Variants in SLC26A7 observed in about 807,000 individuals in gnomAD.
SLC26A7 encodes anion exchange transporter.
In SLC26A7, 59 loss-of-function variants were observed where a neutral mutation model predicts 82.5. The observed-to-expected ratio is 0.72, with a 90% confidence interval of 0.58 to 0.89. The LOEUF (loss-of-function observed/expected upper bound fraction) is 0.89, where lower values mean the gene tolerates loss of function less well. Ranked by LOEUF, SLC26A7 falls within the 40% of genes least tolerant of loss-of-function variation. The pLI, the probability that SLC26A7 is intolerant of heterozygous loss-of-function variation, is 0.00. For synonymous variants in SLC26A7, 271 were observed against 274.3 expected (o/e 0.99, Z 0.12); for missense variants, 820 against 793.0 (o/e 1.03, Z -0.41).
chr8:91,233,378 C>T (rs1473501302), intron 2 of SLC26A7, among the ~76,000 whole-genome samples: 2 of 151,964 alleles, frequency 1.3e-5, no homozygotes, highest in East Asian at 1.9e-4. Context: ...ACCAGCCTGA[C>T]TAACATGGCA....
intron 2 of SLC26A7, among the ~76,000 whole-genome samples, chr8:91,224,637 C>T (rs13260246): frequency 0.052 from 7,922 of 152,254 alleles, 277 homozygotes; most frequent in Middle Eastern, 0.16. Flanking sequence ...GGGTGTCTGA[C>T]AAACCCTGTT....
intron 2 of SLC26A7, among the ~76,000 whole-genome samples, chr8:91,274,546 G>C (rs1045111842): frequency 6.6e-6 from 1 of 152,232 alleles, no homozygotes; most frequent in African/African-American, 2.4e-5. Context: ...GTGTGCAAGA[G>C]AGGGTGACCT....
chr8:91,237,961 G>A (rs1225952986), intron 2 of SLC26A7, among the ~76,000 whole-genome samples: 1 of 152,030 alleles, frequency 6.6e-6, no homozygotes, highest in Admixed American at 6.5e-5. Flanking sequence ...TTATTGTGGT[G>A]GATTCCAAGA....
chr8:91,311,330 A>G (rs1210461643), intron 4 of SLC26A7, among the ~76,000 whole-genome samples: 2 of 152,150 alleles, frequency 1.3e-5, no homozygotes, highest in East Asian at 3.8e-4. Context: ...AAGTCTATAG[A>G]GACAGTAAAG....
At chr8:91,209,734 A>G (rs1439747940) in intron 1 of SLC26A7, among the ~76,000 whole-genome samples, 1 of 152,216 alleles carries the variant, frequency 6.6e-6, no homozygotes, top group Non-Finnish European at 1.5e-5. Context: ...AAAAATTAGT[A>G]GAATTTTTAA....
At chr8:91,263,524 A>G (rs768536186) in intron 2 of SLC26A7, among the ~76,000 whole-genome samples, 2 of 152,112 alleles carry the variant, frequency 1.3e-5, no homozygotes. Flanking sequence ...TAAGAGAATG[A>G]TAATTATATC....
chr8:91,224,541 G>A lies in SLC26A7; in HGVS notation c.-34+5536G>A, dbSNP rs1458971432. On this transcript the variant is annotated intron_variant, in intron 2 of 5. Coordinates refer to the SLC26A7 transcript ENST00000522862. ...TGTCACTCAAGGAGGCTGGACAGCAGCAAAGATGGGTGTCTCCTCCTTCTT... is the reference window on the plus strand; with the variant it reads ...TGTCACTCAAGGAGGCTGGACAGCAACAAAGATGGGTGTCTCCTCCTTCTT... Among the ~76,000 whole-genome samples, 5 of 152,172 alleles carry A rather than the reference G, an allele frequency of 3.3e-5. No individual in the cohort carries two copies. The East Asian group carries it at 9.6e-4, about 29-fold the overall frequency.
intron 9 of SLC26A7, chr8:91,348,319 G>A (rs1371534459): frequency 2.7e-5 from 27 of 985,176 alleles, no homozygotes; most frequent in Non-Finnish European, 3.3e-5. Flanking sequence ...CAGTGAGTTC[G>A]AGAACTACTT....
intron 10 of SLC26A7, 28 bp from the exon 11 acceptor site, chr8:91,352,873 T>G (rs1813756999): frequency 6.4e-7 from 1 of 1,551,688 alleles, no homozygotes; most frequent in African/African-American, 1.4e-5. Flanking sequence ...TTATGTTGCT[T>G]CTTCTTCAAC....
intron 2 of SLC26A7, among the ~76,000 whole-genome samples, chr8:91,231,389 A>T (rs1277855823): frequency 6.6e-6 from 1 of 152,190 alleles, no homozygotes; most frequent in Non-Finnish European, 1.5e-5. Flanking sequence ...GTAGTCTCAG[A>T]TAGCAAAAAT....
At chr8:91,322,144 G>T (rs1812807717) in intron 5 of SLC26A7, among the ~76,000 whole-genome samples, 1 of 152,060 alleles carries the variant, frequency 6.6e-6, no homozygotes, top group Non-Finnish European at 1.5e-5. Flanking sequence ...ACAAACTTAT[G>T]TGTATTTTAA....
chr8:91,311,797 G>A (rs1812495204), intron 4 of SLC26A7, among the ~76,000 whole-genome samples: 1 of 152,208 alleles, frequency 6.6e-6, no homozygotes, highest in Admixed American at 6.5e-5. Flanking sequence ...TAATCCACAT[G>A]TAGCAGGGGA....
At chr8:91,306,915 T>C (rs1340900070) in intron 4 of SLC26A7, among the ~76,000 whole-genome samples, 2 of 151,144 alleles carry the variant, frequency 1.3e-5, no homozygotes, top group East Asian at 1.9e-4. Context: ...AAAGGGCTAA[T>C]ATCCAGAATC....
At chr8:91,266,521 T>C (rs984389254) in intron 2 of SLC26A7, among the ~76,000 whole-genome samples, 5 of 152,018 alleles carry the variant, frequency 3.3e-5, no homozygotes, top group African/African-American at 1.2e-4. Context: ...CTTCTTGAAT[T>C]CTTTTTTGTG....
Position 91,289,249 on chromosome 8 carries a change from A to G in SLC26A7, c.304+3A>G. 1 of 1,594,684 alleles carries G rather than the reference A, an allele frequency of 6.3e-7. No individual in the cohort carries two copies. The highest frequency in any genetic ancestry group is 8.6e-7 in the Non-Finnish European group (1 of 1,162,418). ...AATGGGACATCATGTTGCCACAGGT[A>G]ATAATTCCTATGTTTATGCTTCTAA... On this transcript the variant is annotated splice_donor_region_variant and intron_variant, in intron 3 of 18. Coordinates refer to ENST00000276609, the MANE Select transcript of SLC26A7 (RefSeq NM_052832.4).
chr8:91,315,595 G>A (rs932958063), intron 4 of SLC26A7, among the ~76,000 whole-genome samples: 1 of 152,164 alleles, frequency 6.6e-6, no homozygotes, highest in Admixed American at 6.6e-5. Flanking sequence ...GGCGTCCTGA[G>A]TTTACTGTAA....
At chr8:91,297,558 T>C (rs1316973938) in intron 4 of SLC26A7, among the ~76,000 whole-genome samples, 1 of 152,144 alleles carries the variant, frequency 6.6e-6, no homozygotes, top group East Asian at 1.9e-4. Flanking sequence ...ATATTTTCTC[T>C]TATAACTTCA....
At chr8:91,298,457 A>G (rs928408712) in intron 4 of SLC26A7, among the ~76,000 whole-genome samples, 2 of 152,024 alleles carry the variant, frequency 1.3e-5, no homozygotes, top group African/African-American at 4.8e-5. Flanking sequence ...TTGTATGTCT[A>G]TAATATTTTA....
At chr8:91,394,665 A>G in intron 18 of SLC26A7, 2 of 1,109,982 alleles carry the variant, frequency 1.8e-6, no homozygotes, top group Non-Finnish European at 2.2e-6. Context: ...TCAGAACAGT[A>G]TGTATTTACA....
Sources: allele counts gnomAD v4.1 joint callset (sites outside exome capture counted in the v4.1 genomes callset), GRCh38; gene constraint gnomAD v4.1.1; transcripts MANE v1.5; gene names NCBI Gene and HGNC (gene_info 2026-07-23, HGNC 2026-07-21).